CFDP1: variants seen among roughly 807,000 people sequenced by gnomAD.
CFDP1 encodes heterochromatin-stabilizing protein CFDP1.
CFDP1 carries 31 observed loss-of-function variants against 40.1 expected under a neutral mutation model. The ratio of observed to expected loss-of-function variants is 0.77; its 90% confidence interval spans 0.58 to 1.04. CFDP1 has a LOEUF of 1.04. Ranked by LOEUF, CFDP1 falls within the 50% of genes least tolerant of loss-of-function variation. The pLI is 0.00. For missense variants in CFDP1, 423 were observed against 343.4 expected (o/e 1.23, Z -1.83); for synonymous variants, 167 against 120.0 (o/e 1.39, Z -2.56).
chr16:75,354,507 A>G (rs1326704538), intron 5 of CFDP1, among the ~76,000 whole-genome samples: 1 of 152,158 alleles, frequency 6.6e-6, no homozygotes, highest in Admixed American at 6.5e-5. Flanking sequence ...AATCCAAGAC[A>G]TATCTCCAAG....
intron 5 of CFDP1, among the ~76,000 whole-genome samples, chr16:75,306,022 C>A (rs2078254664): frequency 6.6e-6 from 1 of 152,110 alleles, no homozygotes. Context: ...ATAAGAAAAG[C>A]AAAATGCAGT....
intron 5 of CFDP1, among the ~76,000 whole-genome samples, chr16:75,331,639 T>C (rs1441719817): frequency 1.3e-5 from 2 of 152,228 alleles, no homozygotes; most frequent in Admixed American, 6.5e-5. Flanking sequence ...TAATACGTTA[T>C]TTTTTTCTTT....
chr16:75,399,820 G>A (rs546001941), intron 4 of CFDP1, among the ~76,000 whole-genome samples: 9 of 152,120 alleles, frequency 5.9e-5, no homozygotes, highest in Non-Finnish European at 1.3e-4. Context: ...TTTTAAAATC[G>A]GCTGGGCGTG....
chr16:75,343,561 A>C (rs939434597), intron 5 of CFDP1, among the ~76,000 whole-genome samples: 8 of 152,234 alleles, frequency 5.3e-5, no homozygotes, highest in Admixed American at 4.6e-4. Context: ...GCCAATTCCC[A>C]GTCATTTGAG....
intron 5 of CFDP1, among the ~76,000 whole-genome samples, chr16:75,305,856 G>C (rs746832221): frequency 1.1e-4 from 17 of 152,150 alleles, no homozygotes; most frequent in Non-Finnish European, 2.2e-4. Flanking sequence ...AGGAGGTGGA[G>C]AACATTCCTC....
chr16:75,348,202 C>A (rs2151524292), intron 5 of CFDP1, among the ~76,000 whole-genome samples: 1 of 152,322 alleles, frequency 6.6e-6, no homozygotes, highest in East Asian at 1.9e-4. Flanking sequence ...GTGATCACAG[C>A]ACACTGCAAC....
chr16:75,370,312 C>T (rs1288280816), intron 5 of CFDP1, among the ~76,000 whole-genome samples: 1 of 151,790 alleles, frequency 6.6e-6, no homozygotes, highest in Non-Finnish European at 1.5e-5. Context: ...AGGCTGGTCT[C>T]GAACTCCTGA....
intron 5 of CFDP1, among the ~76,000 whole-genome samples, chr16:75,353,336 C>T (rs532504730): frequency 4.3e-4 from 66 of 152,180 alleles, no homozygotes; most frequent in African/African-American, 1.4e-3. Context: ...AGAAGAGATA[C>T]ATACTGAAAT....
rs1455532397 is a variant in CFDP1 at position 75,425,122 on chromosome 16, G to A, written c.64+8167C>T. Among the ~76,000 whole-genome samples, 4 of 151,700 alleles carry A rather than the reference G, an allele frequency of 2.6e-5. No homozygotes were observed. The East Asian group carries it at 7.7e-4, about 29-fold the overall frequency. On this transcript the variant is annotated intron_variant, in intron 1 of 6. Transcript: ENST00000283882. Reference sequence around the variant, plus strand: ...ACTGTATTCATAGACTAAAATATAAGATCGTTAAATTGTCAATTCTTCCCA... The same window carrying A: ...ACTGTATTCATAGACTAAAATATAAAATCGTTAAATTGTCAATTCTTCCCA...
chr16:75,308,877 G>A (rs550788837), intron 5 of CFDP1, among the ~76,000 whole-genome samples: 1 of 152,100 alleles, frequency 6.6e-6, no homozygotes, highest in East Asian at 1.9e-4. Context: ...TCCAGAAAAG[G>A]AAAAAAACCA....
At chr16:75,318,085 C>T (rs530704474) in intron 5 of CFDP1, among the ~76,000 whole-genome samples, 1 of 152,074 alleles carries the variant, frequency 6.6e-6, no homozygotes, top group African/African-American at 2.4e-5. Context: ...CGCGCCACTG[C>T]ACTCCAGCGC....
chr16:75,334,890 G>T (rs1199209600), intron 5 of CFDP1, among the ~76,000 whole-genome samples: 1 of 152,050 alleles, frequency 6.6e-6, no homozygotes, highest in Non-Finnish European at 1.5e-5. Flanking sequence ...CGGAGGTGGA[G>T]GTTGCAGTGA....
At chr16:75,398,880 C>T (rs759087078) in intron 4 of CFDP1, among the ~76,000 whole-genome samples, 35 of 151,876 alleles carry the variant, frequency 2.3e-4, no homozygotes, top group Non-Finnish European at 5.0e-4. Flanking sequence ...CGGTGAAACC[C>T]CGTCTCTACT....
Position 75,414,673 on chromosome 16 carries a change from A to C in CFDP1, c.87T>G (p.Asp29Glu), listed in dbSNP as rs1881276968. ...CATCTTCCTTCACTAATTCATTTAC[A>C]TCATCTTCACTATACTCTCCACCTG... is the stretch of plus-strand genomic sequence containing the variant. ...VPSGGEYSED[D>E]VNELVKEDEV... Residue 29 changes from aspartate (D) to glutamate (E), a missense_variant, in exon 2 of 7, where the codon GAT becomes GAG. Physicochemically the swap from Asp to Glu is conservative, Grantham distance 45 (BLOSUM62 2). Transcript: ENST00000283882. The C allele has an allele frequency of 5.6e-6, 9 of 1,611,112 alleles. No individual in the cohort carries two copies. The highest frequency in any genetic ancestry group is 7.6e-6 in the Non-Finnish European group (9 of 1,177,534).
intron 4 of CFDP1, among the ~76,000 whole-genome samples, chr16:75,402,808 T>C (rs1406863215): frequency 6.6e-6 from 1 of 152,172 alleles, no homozygotes; most frequent in Admixed American, 6.5e-5. Flanking sequence ...AATTTAAGTA[T>C]AAATAAATTA....
At chr16:75,395,275 G>A (rs2078986924) in intron 4 of CFDP1, 66 bp from the exon 5 acceptor site, 1 of 1,538,658 alleles carries the variant, frequency 6.5e-7, no homozygotes, top group Non-Finnish European at 8.9e-7. Context: ...GCTAGAAAAG[G>A]GAATAAAGAC....
At chr16:75,408,788 T>TA (rs1191679764) in intron 4 of CFDP1, among the ~76,000 whole-genome samples, 7 of 150,462 alleles carry the variant, frequency 4.7e-5, no homozygotes, top group Admixed American at 2.0e-4. Context: ...ATAATAATAA[T>TA]AAAAAAAAAT....
At chr16:75,310,661 C>T (rs75724671) in intron 5 of CFDP1, among the ~76,000 whole-genome samples, 1,884 of 152,196 alleles carry the variant, frequency 0.012, 32 homozygotes, top group African/African-American at 0.043. Flanking sequence ...TTTGTCCAAC[C>T]GATTTATTTT....
At chr16:75,312,688 T>C (rs2078301275) in intron 5 of CFDP1, among the ~76,000 whole-genome samples, 1 of 152,156 alleles carries the variant, frequency 6.6e-6, no homozygotes, top group Non-Finnish European at 1.5e-5. Flanking sequence ...TTCTTCCATG[T>C]GTTGTTGAGC....
Sources: gnomAD v4.1 joint callset for allele counts (sites outside exome capture counted in the v4.1 genomes callset) on GRCh38, gnomAD v4.1.1 for gene constraint, MANE v1.5 for transcripts, NCBI Gene and HGNC (gene_info 2026-07-23, HGNC 2026-07-21) for gene names.